The following TRHDE variants were observed in gnomAD, a reference collection of about 807,000 sequenced individuals.
The protein encoded by TRHDE is thyrotropin releasing hormone degrading enzyme, also known as thyrotropin-releasing hormone-degrading ectoenzyme.
A neutral mutation model predicts 125.7 loss-of-function variants in TRHDE; 72 were observed. The ratio of observed to expected loss-of-function variants is 0.57; its 90% CI spans 0.47 to 0.70. TRHDE has a LOEUF of 0.70. TRHDE is among the 30% of genes least tolerant of loss of function. The pLI, the probability that TRHDE is intolerant of heterozygous loss-of-function variation, is 0.00. For synonymous variants in TRHDE, 509 were observed against 509.1 expected (o/e 1.00, Z 0.00); for missense variants, 1,110 against 1,327.1 (o/e 0.84, Z 2.54).
Position 72,434,874 on chromosome 12 carries a change from G to A in TRHDE, c.1316-34884G>A, listed in dbSNP as rs538068935. ...GTTGTTCCCCCACGTTTCTCCCTTT[G>A]TAAGGTACATGCCATTCCAGAGTAG... On this transcript the variant is annotated intron_variant, in intron 3 of 18. Coordinates refer to ENST00000261180, the MANE Select transcript of TRHDE (RefSeq NM_013381.3). Among the ~76,000 whole-genome samples the A allele has an allele frequency of 1.3e-3, 197 of 152,262 alleles. No individual in the cohort carries two copies. The Middle Eastern group carries it at 0.014, about 11-fold the overall frequency.
At chr12:72,231,344 C>G (rs984868462) in intron 2 of TRHDE, among the ~76,000 whole-genome samples, 23 of 152,176 alleles carry the variant, frequency 1.5e-4, no homozygotes, top group Admixed American at 3.9e-4. Flanking sequence ...TGCCAATATC[C>G]AAGTTTGAAA....
At chr12:72,529,413 T>C (rs559915212) in intron 6 of TRHDE, among the ~76,000 whole-genome samples, 4 of 152,270 alleles carry the variant, frequency 2.6e-5, no homozygotes, top group South Asian at 2.1e-4. Flanking sequence ...CTCTAATCCC[T>C]TTCTTAACCC....
At chr12:72,279,812 C>T (rs1455776392) in intron 1 of TRHDE, among the ~76,000 whole-genome samples, 1 of 152,080 alleles carries the variant, frequency 6.6e-6, no homozygotes, top group Non-Finnish European at 1.5e-5. Context: ...CCCAGTTGTA[C>T]AGGGACAGGG....
At chr12:72,459,684 A>G (rs1482906850) in intron 3 of TRHDE, among the ~76,000 whole-genome samples, 2 of 152,096 alleles carry the variant, frequency 1.3e-5, no homozygotes, top group Non-Finnish European at 2.9e-5. Context: ...GTGCAGTGAC[A>G]TTATAGCTCA....
At chr12:72,228,646 T>A (rs2139372905) in intron 2 of TRHDE, among the ~76,000 whole-genome samples, 1 of 152,334 alleles carries the variant, frequency 6.6e-6, no homozygotes, top group Middle Eastern at 3.4e-3. Context: ...CTGCAAGTTT[T>A]CTAAATTTTT....
In TRHDE at chr12:72,389,504, A is replaced by T. The variant is rs150958352; in HGVS notation, c.1315+11383A>T. Among the ~76,000 whole-genome samples the T allele has an allele frequency of 5.6e-4, 86 of 152,276 alleles. 1 individual carries two copies. The highest frequency in any genetic ancestry group is 1.9e-3 in the African/African-American group (77 of 41,564). ...CTAAACAACAGAAGTATATTTTCTC[A>T]TGGTTCTGGAGGCTAGACTAGAGCG... On this transcript the variant is annotated intron_variant, in intron 3 of 18. Coordinates refer to ENST00000261180, the MANE Select transcript of TRHDE (RefSeq NM_013381.3).
chr12:72,448,514 G>A (rs905505623), intron 3 of TRHDE, among the ~76,000 whole-genome samples: 3 of 151,894 alleles, frequency 2.0e-5, no homozygotes, highest in South Asian at 2.1e-4. Flanking sequence ...CTAATCTATT[G>A]GTAAACTTAT....
At chr12:72,380,768 T>TTCCTTCCA (rs2135779656) in intron 3 of TRHDE, among the ~76,000 whole-genome samples, 1 of 96,328 alleles carries the variant, frequency 1.0e-5, no homozygotes, top group African/African-American at 3.7e-5. Flanking sequence ...CCTTCCTTGC[T>TTCCTTCCA]TCCTTCCTTC....
At chr12:72,327,210 A>C (rs1210056232) in intron 2 of TRHDE, among the ~76,000 whole-genome samples, 2 of 152,148 alleles carry the variant, frequency 1.3e-5, no homozygotes, top group Admixed American at 1.3e-4. Flanking sequence ...GACACTGAGC[A>C]GGAACTCTAA....
Position 72,618,869 on chromosome 12 carries a change from CTT to C in TRHDE, c.2322-10_2322-9del, listed in dbSNP as rs111312234. On this transcript the variant is annotated intron_variant, in intron 12 of 18. Transcript: ENST00000261180. Reference sequence around the variant, plus strand: ...TCTTCGTTTGTGCATCATCATGTATCTTTTTTTTTTTTTAACTGTAGGGCTGG... The same window carrying C: ...TCTTCGTTTGTGCATCATCATGTATCTTTTTTTTTTTAACTGTAGGGCTGG... 0.011 allele frequency: 14,544 copies of C among 1,290,194 alleles called. No individual in the cohort carries two copies. Among genetic ancestry groups the C allele is most frequent in the South Asian group, 0.023 (1,353 of 59,036 alleles). 79.9% of individuals were successfully genotyped at this position (1,290,194 alleles called of 1,614,324 possible).
intron 1 of TRHDE, among the ~76,000 whole-genome samples, chr12:72,285,148 A>G (rs902447346): frequency 6.6e-6 from 1 of 152,230 alleles, no homozygotes; most frequent in Non-Finnish European, 1.5e-5. Flanking sequence ...TGTAAAATTT[A>G]TACCTCATGC....
chr12:72,578,300 C>T (rs1209674783), intron 12 of TRHDE, among the ~76,000 whole-genome samples: 1 of 152,054 alleles, frequency 6.6e-6, no homozygotes, highest in Non-Finnish European at 1.5e-5. Flanking sequence ...TTAGGTAAGG[C>T]GGCACAGCTT....
intron 2 of TRHDE, among the ~76,000 whole-genome samples, chr12:72,290,328 C>G (rs181576013): frequency 2.0e-5 from 3 of 152,302 alleles, no homozygotes; most frequent in African/African-American, 7.2e-5. Flanking sequence ...TAGTCTGTTT[C>G]AGAATTATTT....
intron 2 of TRHDE, among the ~76,000 whole-genome samples, chr12:72,152,496 C>A (rs1337522822): frequency 6.6e-6 from 1 of 152,088 alleles, no homozygotes; most frequent in African/African-American, 2.4e-5. Context: ...GGAATACTTC[C>A]AGTTTTTGTC....
intron 2 of TRHDE, among the ~76,000 whole-genome samples, chr12:72,368,259 A>G (rs1871422314): frequency 6.6e-6 from 1 of 152,212 alleles, no homozygotes; most frequent in Non-Finnish European, 1.5e-5. Context: ...GATAAACTTA[A>G]AAAGTCTGTA....
chr12:72,542,394 C>T, intron 7 of TRHDE, 38 bp downstream of exon 7: 2 of 1,548,672 alleles, frequency 1.3e-6, no homozygotes, highest in Admixed American at 1.7e-5. Flanking sequence ...TACATTTTTC[C>T]TTGTCAATAT....
chr12:72,491,757 G>A lies in TRHDE; in HGVS notation c.1585-7741G>A, dbSNP rs149157229. Among the ~76,000 whole-genome samples, 12 of 151,974 alleles carry A rather than the reference G, an allele frequency of 7.9e-5. No homozygotes were observed. In the East Asian group the frequency reaches 1.7e-3, roughly 22 times the overall value. ...TGAGATATTCTTATAAAATATAATC[G>A]CTTTTTAAGTTTATGCACTGATTAA... On this transcript the variant is annotated intron_variant, in intron 5 of 18. Coordinates refer to ENST00000261180, the MANE Select transcript of TRHDE (RefSeq NM_013381.3).
chr12:72,148,406 A>G (rs1407474450), intron 2 of TRHDE, among the ~76,000 whole-genome samples: 1 of 152,186 alleles, frequency 6.6e-6, no homozygotes, highest in Non-Finnish European at 1.5e-5. Context: ...AGCAAAAAAA[A>G]TCACTGGGCA....
intron 3 of TRHDE, among the ~76,000 whole-genome samples, chr12:72,397,311 G>C (rs1344913132): frequency 6.6e-6 from 1 of 152,108 alleles, no homozygotes. Context: ...AAGTCACCAA[G>C]CCATCACCTT....
Sources: allele counts gnomAD v4.1 joint callset (sites outside exome capture counted in the v4.1 genomes callset), GRCh38; gene constraint gnomAD v4.1.1; transcripts MANE v1.5; gene names NCBI Gene and HGNC (gene_info 2026-07-23, HGNC 2026-07-21).